DZIP3: variants seen among roughly 807,000 people sequenced by gnomAD.
DZIP3 encodes the protein E3 ubiquitin-protein ligase DZIP3.
Under a neutral mutation model 162.0 loss-of-function variants are expected in DZIP3, and 118 were observed. The observed-to-expected ratio is 0.73, with a 90% confidence interval of 0.63 to 0.85. The LOEUF is 0.85. Among genes scored for constraint, DZIP3 ranks in the 40% least tolerant of loss-of-function variants. DZIP3 has a pLI of 0.00. For synonymous variants in DZIP3, 438 were observed against 458.6 expected (o/e 0.96, Z 0.57); for missense variants, 1,331 against 1,407.0 (o/e 0.95, Z 0.86).
chr3:108,599,161 A>G (rs1427537299), intron 1 of DZIP3, among the ~76,000 whole-genome samples: 1 of 152,220 alleles, frequency 6.6e-6, no homozygotes, highest in Non-Finnish European at 1.5e-5. Flanking sequence ...TTCCTGGTTT[A>G]AGCAGATATA....
chr3:108,690,322 T>C (rs1331319600), intron 31 of DZIP3, among the ~76,000 whole-genome samples: 1 of 152,194 alleles, frequency 6.6e-6, no homozygotes, highest in Non-Finnish European at 1.5e-5. Context: ...CGAAAATTAC[T>C]GTCATTATCG....
intron 19 of DZIP3, 152 bp downstream of exon 19, chr3:108,654,462 G>T: frequency 1.2e-6 from 1 of 807,166 alleles, no homozygotes; most frequent in African/African-American, 1.7e-5. Context: ...AGGGATATAT[G>T]AAGGAAAATA....
At chr3:108,672,691 G>A in intron 23 of DZIP3, 35 bp downstream of exon 23, 1 of 1,542,498 alleles carries the variant, frequency 6.5e-7, no homozygotes, top group South Asian at 1.2e-5. Context: ...TATGGGGTGA[G>A]GGGAAAAGTT....
intron 25 of DZIP3, 52 bp downstream of exon 25, chr3:108,675,925 T>G: frequency 6.8e-7 from 1 of 1,481,178 alleles, no homozygotes. Context: ...ATAGGTGGTG[T>G]AAAGTTAGAA....
intron 19 of DZIP3, 46 bp downstream of exon 19, chr3:108,654,356 G>T (rs766270159): frequency 6.2e-7 from 1 of 1,605,316 alleles, no homozygotes; most frequent in Non-Finnish European, 8.5e-7. Flanking sequence ...ATTGTTATCT[G>T]GTTTTTCCTG....
intron 12 of DZIP3, among the ~76,000 whole-genome samples, chr3:108,641,974 A>G (rs973409232): frequency 5.3e-5 from 8 of 152,102 alleles, no homozygotes; most frequent in African/African-American, 1.9e-4. Flanking sequence ...AATTATTTGT[A>G]TTGATGTTCT....
At position 108,674,919 on chromosome 3, in the gene DZIP3, A is replaced by G. The variant is rs796658677; in HGVS notation, c.2693+738A>G. The stretch of plus-strand genomic sequence containing the variant: ...AATCAGAGTCTTTGATGTTAGCTAG[A>G]TTATCAGGATATACTGATGTGCACT... On this transcript the variant is annotated intron_variant, in intron 24 of 32. Transcript: ENST00000361582. 1.4e-4 allele frequency among the ~76,000 whole-genome samples: 22 copies of G among 152,042 alleles called. 2 individuals carry two copies. The highest frequency in any genetic ancestry group is 4.6e-4 in the African/African-American group (19 of 41,544).
At chr3:108,599,805 A>G (rs1353377070) in intron 1 of DZIP3, among the ~76,000 whole-genome samples, 1 of 152,224 alleles carries the variant, frequency 6.6e-6, no homozygotes, top group African/African-American at 2.4e-5. Context: ...ACCAGAAGTT[A>G]GAAGTCTGCA....
At chr3:108,688,225 C>A in intron 29 of DZIP3, 129 bp downstream of exon 29, 1 of 1,140,038 alleles carries the variant, frequency 8.8e-7, no homozygotes, top group South Asian at 1.7e-5. Context: ...CATCTATTAA[C>A]AGTAAATAAC....
At chr3:108,608,949 A>G (rs1940542803) in intron 3 of DZIP3, among the ~76,000 whole-genome samples, 1 of 152,206 alleles carries the variant, frequency 6.6e-6, no homozygotes, top group South Asian at 2.1e-4. Context: ...GTAGTCCTCA[A>G]GAAACTTAGA....
intron 9 of DZIP3, among the ~76,000 whole-genome samples, chr3:108,633,577 C>T (rs1941983583): frequency 6.6e-6 from 1 of 151,510 alleles, no homozygotes; most frequent in Non-Finnish European, 1.5e-5. Flanking sequence ...ATAGATCTCT[C>T]TCTCTGGATC....
chr3:108,616,265 AAAATAAATAAATAAAT>A lies in DZIP3; in HGVS notation c.259-248_259-233del, dbSNP rs200164808. On this transcript the variant is annotated intron_variant, in intron 4 of 32. Transcript: ENST00000361582. Reference sequence around the variant, plus strand: ...GGCGACAGAGCGAGACTCCATCTCAAAAATAAATAAATAAATAAATAAATAAATAAATAAATAAATA... The same window carrying A: ...GGCGACAGAGCGAGACTCCATCTCAAAAATAAATAAATAAATAAATAAATA... Among the ~76,000 whole-genome samples, 979 of 145,372 alleles carry A rather than the reference AAAATAAATAAATAAAT, an allele frequency of 6.7e-3. 10 individuals are homozygous for A. Among genetic ancestry groups the A allele is most frequent in the African/African-American group, 0.023 (905 of 39,382 alleles).
At chr3:108,611,355 G>A (rs1940697596) in intron 4 of DZIP3, 26 bp downstream of exon 4, 2 of 1,609,040 alleles carry the variant, frequency 1.2e-6, no homozygotes, top group Non-Finnish European at 1.7e-6. Context: ...GTTATTTGGG[G>A]CAGAAGTGCA....
chr3:108,634,828 A>G, intron 9 of DZIP3, 43 bp from the exon 10 acceptor site: 1 of 1,280,016 alleles, frequency 7.8e-7, no homozygotes, highest in South Asian at 1.4e-5. Context: ...CTATACAAGA[A>G]TCACCATGTC....
At chr3:108,674,054 T>G (rs762698683) in intron 23 of DZIP3, 24 bp from the exon 24 acceptor site, 1 of 1,554,082 alleles carries the variant, frequency 6.4e-7, no homozygotes, top group Non-Finnish European at 8.9e-7. Flanking sequence ...TCAACTTCTT[T>G]CTCTTTCTCT....
At chr3:108,665,333 T>C (rs1943622062) in intron 21 of DZIP3, among the ~76,000 whole-genome samples, 1 of 152,188 alleles carries the variant, frequency 6.6e-6, no homozygotes, top group African/African-American at 2.4e-5. Flanking sequence ...TAAAACTTGC[T>C]GGATATAATC....
At chr3:108,681,111 A>G (rs1559782608) in intron 26 of DZIP3, among the ~76,000 whole-genome samples, 1 of 152,348 alleles carries the variant, frequency 6.6e-6, no homozygotes, top group East Asian at 1.9e-4. Context: ...GGATCTAACT[A>G]AAGAGCTTCT....
At position 108,646,641 on chromosome 3, in the gene DZIP3, G is replaced by A; in HGVS notation, c.1784G>A (p.Gly595Asp). 6.4e-7 allele frequency: 1 copy of A among 1,561,920 alleles called. No individual in the cohort carries two copies. Among genetic ancestry groups the A allele is most frequent in the Non-Finnish European group, 8.6e-7 (1 of 1,157,056 alleles). Reference protein sequence around the residue: ...QQGIALQSITGSQRIEIEELQ... With the variant: ...QQGIALQSITDSQRIEIEELQ... ...GGAATTGCTCTACAGTCAATAACAG[G>A]CAGTCAGCGTAAGTATATTTAGAAA... The change falls in exon 15 of 33, where the codon GGC (glycine) becomes GAC (aspartate). Residue 595 changes from glycine (G) to aspartate (D), a missense_variant. By Grantham distance (94) the Gly-to-Asp change is moderately conservative. Around this residue, in one of 2 missense-constraint regions of DZIP3, gnomAD observed 1,278 missense variants for 1,317.1 expected, o/e 0.97. Coordinates refer to ENST00000361582, the MANE Select transcript of DZIP3 (RefSeq NM_014648.4).
intron 24 of DZIP3, among the ~76,000 whole-genome samples, chr3:108,675,193 G>T (rs1257658738): frequency 6.6e-6 from 1 of 151,890 alleles, no homozygotes; most frequent in African/African-American, 2.4e-5. Flanking sequence ...CTTCAAAGTT[G>T]TTCCTACTTT....
Sources: gnomAD v4.1 joint callset for allele counts (sites outside exome capture counted in the v4.1 genomes callset) on GRCh38, gnomAD v4.1.1 for gene constraint, gnomAD v4.1.1 regional missense constraint, MANE v1.5 for transcripts, NCBI Gene and HGNC (gene_info 2026-07-23, HGNC 2026-07-21) for gene names.